PHF21B: variants seen among roughly 807,000 people sequenced by gnomAD.
PHF21B encodes the protein PHD finger protein 4.
PHF21B carries 22 observed loss-of-function variants against 62.2 expected under a neutral mutation model. The observed-to-expected ratio is 0.35, with a 90% CI of 0.25 to 0.51. The LOEUF (loss-of-function observed/expected upper bound fraction) is 0.51. Among genes scored for constraint, PHF21B ranks in the 20% least tolerant of loss-of-function variants. The pLI, the probability that PHF21B is intolerant of heterozygous loss-of-function variation, is 0.97. For synonymous variants in PHF21B, 341 were observed against 314.7 expected (o/e 1.08, Z -0.88); for missense variants, 701 against 707.9 (o/e 0.99, Z 0.11).
At position 44,896,088 on chromosome 22, in the gene PHF21B, G is replaced by A; in HGVS notation, c.832-5C>T. ...CGCTACCATGAAGGCGATTTTCTGA[G>A]GGAAGGAACAGACAAAGGAGCATTA... is the stretch of plus-strand genomic sequence containing the variant. On this transcript the variant is annotated splice_region_variant and splice_polypyrimidine_tract_variant and intron_variant, in intron 5 of 12. Transcript: ENST00000313237. The A allele has an allele frequency of 6.2e-7, 1 of 1,614,112 alleles. No homozygotes were observed. Among genetic ancestry groups the A allele is most frequent in the Non-Finnish European group, 8.5e-7 (1 of 1,180,004 alleles).
intron 12 of PHF21B, among the ~76,000 whole-genome samples, chr22:44,884,251 CCAT>C (rs375154949): frequency 6.6e-6 from 1 of 151,264 alleles, no homozygotes; most frequent in African/African-American, 2.4e-5. Context: ...ACCATCACCA[CCAT>C]CATCACTACC....
chr22:44,931,313 T>C (rs948867126), intron 2 of PHF21B, among the ~76,000 whole-genome samples: 5 of 151,962 alleles, frequency 3.3e-5, no homozygotes, highest in African/African-American at 1.2e-4. Flanking sequence ...GGAACAAAGA[T>C]ATGCGGCCGC....
intron 2 of PHF21B, among the ~76,000 whole-genome samples, chr22:44,927,425 T>C (rs1436713446): frequency 6.6e-6 from 1 of 152,124 alleles, no homozygotes; most frequent in Non-Finnish European, 1.5e-5. Context: ...TCTGCAACCA[T>C]GGACCTACAG....
chr22:44,956,597 C>T (rs888908364), intron 2 of PHF21B, among the ~76,000 whole-genome samples: 1 of 152,154 alleles, frequency 6.6e-6, no homozygotes, highest in African/African-American at 2.4e-5. Context: ...GCAGAGCTGC[C>T]GAGCTTCCTT....
chr22:44,893,597 T>C lies in PHF21B; in HGVS notation c.884-64A>G. On this transcript the variant is annotated intron_variant, in intron 6 of 12. Transcript: ENST00000313237. ...TGCCCTGGGAACCCCAAATGCTTCC[T>C]TGCCAAGCCCTGGGCACCACCATCC... 5 of 1,491,094 alleles carry C rather than the reference T, an allele frequency of 3.4e-6. No homozygotes were observed. In the South Asian group the frequency reaches 6.0e-5, roughly 18 times the overall value. The allele number at this position is 1,491,094 out of a possible 1,614,324, so 92.4% of individuals were successfully genotyped here.
chr22:44,950,064 G>A (rs964550844), intron 2 of PHF21B, among the ~76,000 whole-genome samples: 16 of 152,172 alleles, frequency 1.1e-4, no homozygotes, highest in African/African-American at 3.9e-4. Flanking sequence ...TCCAGCCATG[G>A]CAGTCTCTCC....
At chr22:44,981,476 C>T (rs904990543) in intron 2 of PHF21B, among the ~76,000 whole-genome samples, 2 of 152,218 alleles carry the variant, frequency 1.3e-5, no homozygotes, top group Non-Finnish European at 2.9e-5. Flanking sequence ...GCACCTCACC[C>T]AAGGCCTGGC....
At chr22:44,917,787 T>A (rs536329571) in intron 3 of PHF21B, among the ~76,000 whole-genome samples, 222 of 152,294 alleles carry the variant, frequency 1.5e-3, no homozygotes, top group Non-Finnish European at 2.7e-3. Flanking sequence ...TGGTCCAGGG[T>A]GGCTCCTACA....
At position 44,881,177 on chromosome 22, in the gene PHF21B, C is replaced by T. The variant is rs1344959017; in HGVS notation, c.*1909G>A. ...ACCACAGGGCTTTGAAATCATCGAT[C>T]GAGTTTAATACATTGTAAAGAAGGA... On this transcript the variant is annotated 3_prime_UTR_variant, in exon 13 of 13. Coordinates refer to ENST00000313237, the MANE Select transcript of PHF21B (RefSeq NM_138415.5). 2 of 152,632 alleles carry T rather than the reference C, an allele frequency of 1.3e-5. No individual in the cohort carries two copies. The highest frequency in any genetic ancestry group is 2.4e-5 in the African/African-American group (1 of 41,426). 9.5% of individuals were successfully genotyped at this position (152,632 alleles called of 1,614,324 possible).
At chr22:44,903,099 A>T (rs1284767689) in intron 5 of PHF21B, among the ~76,000 whole-genome samples, 1 of 152,192 alleles carries the variant, frequency 6.6e-6, no homozygotes, top group Admixed American at 6.5e-5. Context: ...CAATCCCTCC[A>T]GGAGACATAT....
At chr22:44,975,502 G>A (rs986487311) in intron 2 of PHF21B, among the ~76,000 whole-genome samples, 2 of 152,206 alleles carry the variant, frequency 1.3e-5, no homozygotes, top group Admixed American at 1.3e-4. Flanking sequence ...GTCGCAAGCA[G>A]GTCTCATCAC....
chr22:44,997,034 TC>T (rs778560846), intron 2 of PHF21B, among the ~76,000 whole-genome samples: 12 of 151,718 alleles, frequency 7.9e-5, no homozygotes, highest in African/African-American at 2.9e-4. Context: ...ATTACCTGTC[TC>T]CCCCCCGAGT....
intron 5 of PHF21B, among the ~76,000 whole-genome samples, chr22:44,908,476 GCTGA>G (rs2071290189): frequency 6.6e-6 from 1 of 152,176 alleles, no homozygotes; most frequent in Non-Finnish European, 1.5e-5. Context: ...CTGGGACACT[GCTGA>G]CTCGACGTCC....
At chr22:44,905,129 T>C (rs1290596804) in intron 5 of PHF21B, among the ~76,000 whole-genome samples, 2 of 152,150 alleles carry the variant, frequency 1.3e-5, no homozygotes, top group Admixed American at 6.5e-5. Flanking sequence ...CAGCTTTGCT[T>C]CTCCACCTGC....
Position 44,953,656 on chromosome 22 carries a change from C to T in PHF21B, c.121-33166G>A, listed in dbSNP as rs374135798. Among the ~76,000 whole-genome samples, 15 of 152,274 alleles carry T rather than the reference C, an allele frequency of 9.9e-5. No homozygotes were observed. In the East Asian group the frequency reaches 2.7e-3, roughly 27 times the overall value. ...CCCAGGGGAGGCCCCAGCCCTCCTT[C>T]CTGAGACCTGCAGCTTCCAGGTGTG... On this transcript the variant is annotated intron_variant, in intron 2 of 12. Coordinates refer to ENST00000313237, the MANE Select transcript of PHF21B (RefSeq NM_138415.5).
At chr22:44,908,325 T>C (rs758347738) in intron 5 of PHF21B, among the ~76,000 whole-genome samples, 17 of 152,252 alleles carry the variant, frequency 1.1e-4, no homozygotes, top group African/African-American at 2.4e-4. Context: ...CTGTGGGGCC[T>C]GAAACTGACC....
At chr22:44,947,593 AG>A (rs147005018) in intron 2 of PHF21B, among the ~76,000 whole-genome samples, 6,099 of 152,286 alleles carry the variant, frequency 0.04, 404 homozygotes, top group African/African-American at 0.14. Flanking sequence ...TCGGCAGCAC[AG>A]GCACCAAATT....
At chr22:44,932,186 G>A (rs557842596) in intron 2 of PHF21B, among the ~76,000 whole-genome samples, 1 of 152,218 alleles carries the variant, frequency 6.6e-6, no homozygotes, top group Non-Finnish European at 1.5e-5. Flanking sequence ...AGCAAAATCT[G>A]TTCTTTAAGA....
intron 5 of PHF21B, among the ~76,000 whole-genome samples, chr22:44,900,554 G>A (rs1030014188): frequency 3.3e-5 from 5 of 152,206 alleles, no homozygotes; most frequent in African/African-American, 1.2e-4. Context: ...ACCCGCCTCG[G>A]CCTCCTAAAG....
Sources: gnomAD v4.1 joint callset for allele counts (sites outside exome capture counted in the v4.1 genomes callset) on GRCh38, gnomAD v4.1.1 for gene constraint, MANE v1.5 for transcripts, NCBI Gene and HGNC (gene_info 2026-07-23, HGNC 2026-07-21) for gene names.